AACS: variants seen among roughly 807,000 people sequenced by gnomAD.
AACS encodes the protein acetoacetate-CoA ligase.
AACS carries 69 observed loss-of-function variants against 83.1 expected under a neutral mutation model. The ratio of observed to expected loss-of-function variants is 0.83; its 90% CI spans 0.68 to 1.01. The LOEUF (loss-of-function observed/expected upper bound fraction) is 1.01. Ranked by LOEUF, AACS falls within the 50% of genes least tolerant of loss-of-function variation. The probability of loss-of-function intolerance (pLI) is 0.00; values close to 1 mark genes in which losing one functional copy is unlikely to be tolerated. For synonymous variants in AACS, 333 were observed against 343.4 expected (o/e 0.97, Z 0.33); for missense variants, 866 against 882.2 (o/e 0.98, Z 0.23).
At chr12:125,120,405 T>A (rs879459546) in intron 10 of AACS, 3 of 152,222 alleles carry the variant, frequency 2.0e-5, no homozygotes, top group Admixed American at 2.0e-4. Context: ...CACTCATGTT[T>A]TTAAATCCTT....
At position 125,124,984 on chromosome 12, in the gene AACS, C is replaced by T. The variant is rs925217284; in HGVS notation, c.1269C>T (p.Tyr423=). 3 of 1,614,224 alleles carry T rather than the reference C, an allele frequency of 1.9e-6. No homozygotes were observed. The highest frequency in any genetic ancestry group is 2.5e-6 in the Non-Finnish European group (3 of 1,180,048). The change falls in exon 12 of 18, where the codon TAC becomes TAT. Residue 423 remains tyrosine, a synonymous_variant. Coordinates refer to ENST00000316519, the MANE Select transcript of AACS (RefSeq NM_023928.5). The part of the protein sequence containing the change: ...PLKAQSYEYV[Y]RCIKSSILLG... The stretch of plus-strand genomic sequence containing the variant: ...AAGCCCAGAGCTACGAGTATGTCTA[C>T]AGGTGCATCAAGAGCAGCATCCTCC...
chr12:125,116,743 G>A (rs1191439574), intron 9 of AACS, among the ~76,000 whole-genome samples: 2 of 152,116 alleles, frequency 1.3e-5, no homozygotes, highest in Non-Finnish European at 2.9e-5. Flanking sequence ...GGGATTACAG[G>A]CATGAGCCAC....
At chr12:125,110,192 TGTGTGTGTG>T (rs1956925149) in intron 8 of AACS, among the ~76,000 whole-genome samples, 5 of 224 alleles carry the variant, frequency 0.022, no homozygotes, top group African/African-American at 0.066. Context: ...GCTAAGTTTG[TGTGTGTGTG>T]TGTGTGTGTG....
intron 2 of AACS, among the ~76,000 whole-genome samples, chr12:125,075,680 G>A (rs1046642557): frequency 5.4e-5 from 8 of 147,964 alleles, no homozygotes; most frequent in South Asian, 2.2e-4. Flanking sequence ...TGCAAGCTCC[G>A]CCTCCTGGGT....
chr12:125,128,085 C>G, intron 12 of AACS, 76 bp from the exon 13 acceptor site: 1 of 1,105,212 alleles, frequency 9.0e-7, no homozygotes, highest in Non-Finnish European at 1.3e-6. Context: ...GGCACCTTCT[C>G]CTTTGTTGCT....
chr12:125,091,120 G>T, intron 4 of AACS: 2 of 407,472 alleles, frequency 4.9e-6, no homozygotes, highest in Admixed American at 3.5e-5. Flanking sequence ...GAGGTGATTA[G>T]GACAACTGAG....
intron 1 of AACS, among the ~76,000 whole-genome samples, chr12:125,072,007 A>G (rs1012513478): frequency 7.2e-5 from 11 of 151,758 alleles, no homozygotes; most frequent in African/African-American, 2.7e-4. Context: ...ATAGGCATGC[A>G]CCACCACACC....
chr12:125,111,042 G>A (rs545602163), intron 8 of AACS, among the ~76,000 whole-genome samples: 1 of 152,116 alleles, frequency 6.6e-6, no homozygotes, highest in Non-Finnish European at 1.5e-5. Flanking sequence ...AGGGGTGGGA[G>A]CGAGGGGCTG....
At chr12:125,128,377 C>G in intron 13 of AACS, 103 bp downstream of exon 13, 1 of 1,026,968 alleles carries the variant, frequency 9.7e-7, no homozygotes, top group Non-Finnish European at 1.4e-6. Context: ...TCCAAAACAG[C>G]CCTCGGAGGG....
chr12:125,126,354 G>C (rs746738687), intron 12 of AACS: 2 of 152,154 alleles, frequency 1.3e-5, no homozygotes, highest in African/African-American at 4.8e-5. Context: ...GTCCACAAAG[G>C]TGTCCTCATG....
Position 125,134,868 on chromosome 12 carries a change from C to T in AACS, c.1678+16C>T, listed in dbSNP as rs780251969. On this transcript the variant is annotated intron_variant, in intron 16 of 17. Coordinates refer to ENST00000316519, the MANE Select transcript of AACS (RefSeq NM_023928.5). ...TATAACATTGGTACGTGCTTCCCCT[C>T]CCTGAGCGTTCTCCAGTCTCCAGGA... 2 of 1,614,056 alleles carry T rather than the reference C, an allele frequency of 1.2e-6. No homozygotes were observed. Among genetic ancestry groups the T allele is most frequent in the African/African-American group, 1.3e-5 (1 of 75,042 alleles).
At chr12:125,079,046 G>A (rs910630392) in intron 3 of AACS, among the ~76,000 whole-genome samples, 1 of 152,146 alleles carries the variant, frequency 6.6e-6, no homozygotes, top group Non-Finnish European at 1.5e-5. Flanking sequence ...GGAGTCTACG[G>A]AACTTGATGA....
At chr12:125,080,867 AT>A (rs1238207677) in intron 3 of AACS, among the ~76,000 whole-genome samples, 1 of 150,480 alleles carries the variant, frequency 6.6e-6, no homozygotes, top group African/African-American at 2.5e-5. Flanking sequence ...AATTTTTTGT[AT>A]TTTTAGTAGA....
At chr12:125,136,983 C>T (rs1198497780) in intron 17 of AACS, 119 bp downstream of exon 17, 2 of 988,612 alleles carry the variant, frequency 2.0e-6, no homozygotes, top group Non-Finnish European at 3.0e-6. Context: ...TCCACGTTGC[C>T]TAGCAACGCC....
At chr12:125,108,833 C>T (rs980583433) in intron 8 of AACS, among the ~76,000 whole-genome samples, 2 of 145,518 alleles carry the variant, frequency 1.4e-5, no homozygotes, top group Non-Finnish European at 3.0e-5. Context: ...ATGCCCTACT[C>T]GTTTTTTTGT....
chr12:125,112,431 A>T (rs1436848163), intron 8 of AACS, among the ~76,000 whole-genome samples: 1 of 152,130 alleles, frequency 6.6e-6, no homozygotes, highest in East Asian at 1.9e-4. Context: ...TTGTAATCCC[A>T]GCATTTTGGG....
At chr12:125,124,129 T>TA (rs1433950222) in intron 10 of AACS, 4 of 152,466 alleles carry the variant, frequency 2.6e-5, no homozygotes, top group Non-Finnish European at 4.4e-5. Context: ...CCTGGCAACA[T>TA]AGCAAGACCC....
intron 5 of AACS, among the ~76,000 whole-genome samples, chr12:125,093,419 G>A (rs1956533132): frequency 6.6e-6 from 1 of 152,248 alleles, no homozygotes; most frequent in Non-Finnish European, 1.5e-5. Context: ...GCCTCGCTGG[G>A]TCATTGTCCT....
rs140110904 is a variant in AACS at position 125,071,927 on chromosome 12, G to A, written c.134-1949G>A. On this transcript the variant is annotated intron_variant, in intron 1 of 17. Coordinates refer to ENST00000316519, the MANE Select transcript of AACS (RefSeq NM_023928.5). ...GGCTGGAGTGCAGTGGCACGATCTC[G>A]GCTCACTGCAACCTCTACCTCCTGT... is the stretch of plus-strand genomic sequence containing the variant. 2.5e-3 allele frequency among the ~76,000 whole-genome samples: 379 copies of A among 150,084 alleles called. 3 individuals carry two copies. The highest frequency in any genetic ancestry group is 8.5e-3 in the African/African-American group (347 of 40,700).
Sources: gnomAD v4.1 joint callset for allele counts (sites outside exome capture counted in the v4.1 genomes callset) on GRCh38, gnomAD v4.1.1 for gene constraint, MANE v1.5 for transcripts, NCBI Gene and HGNC (gene_info 2026-07-23, HGNC 2026-07-21) for gene names.